The following EYS variants were observed in gnomAD, a reference collection of about 807,000 sequenced individuals.
EYS encodes the protein protein eyes shut homolog.
EYS carries 250 observed loss-of-function variants against 282.1 expected under a neutral mutation model. The ratio of observed to expected loss-of-function variants is 0.89; its 90% CI spans 0.80 to 0.98. The LOEUF (loss-of-function observed/expected upper bound fraction) is 0.98, where lower values mean the gene tolerates loss of function less well. EYS is among the 50% of genes least tolerant of loss of function. The pLI, the probability that EYS is intolerant of heterozygous loss-of-function variation, is 0.00. For synonymous variants in EYS, 1,355 were observed against 1,282.9 expected (o/e 1.06, Z -1.20); for missense variants, 4,016 against 3,709.0 (o/e 1.08, Z -2.15).
At chr6:65,068,564 A>C (rs1029138122) in intron 12 of EYS, among the ~76,000 whole-genome samples, 32 of 151,862 alleles carry the variant, frequency 2.1e-4, no homozygotes, top group African/African-American at 7.7e-4. Flanking sequence ...ATAGCTTCTC[A>C]CCTGTGTGTC....
chr6:64,729,277 C>T (rs1771876048), intron 22 of EYS, among the ~76,000 whole-genome samples: 1 of 152,278 alleles, frequency 6.6e-6, no homozygotes, highest in East Asian at 1.9e-4. Context: ...TCAAGAAACC[C>T]AAGTGAGATA....
intron 35 of EYS, among the ~76,000 whole-genome samples, chr6:63,878,267 C>A (rs1193958949): frequency 6.6e-6 from 1 of 152,194 alleles, no homozygotes; most frequent in African/African-American, 2.4e-5. Context: ...TCCTGGGTAT[C>A]ACCAGTGGAG....
chr6:64,650,133 G>C (rs6901503), intron 22 of EYS, among the ~76,000 whole-genome samples: 97,145 of 151,734 alleles, frequency 0.64, 31,315 homozygotes, highest in African/African-American at 0.71. Context: ...AAATTTAAAT[G>C]ATAATCTAGA....
At chr6:64,370,619 G>A (rs1226854271) in intron 29 of EYS, among the ~76,000 whole-genome samples, 1 of 152,022 alleles carries the variant, frequency 6.6e-6, no homozygotes, top group Non-Finnish European at 1.5e-5. Context: ...TTATACATCT[G>A]GTAGAATTTG....
At chr6:64,623,123 T>C (rs6904977) in intron 23 of EYS, among the ~76,000 whole-genome samples, 3,681 of 152,254 alleles carry the variant, frequency 0.024, 164 homozygotes, top group African/African-American at 0.084. Context: ...TGTTTTTTAA[T>C]GATTGGTCAA....
At chr6:65,005,874 C>T (rs1220574698) in intron 13 of EYS, among the ~76,000 whole-genome samples, 1 of 152,242 alleles carries the variant, frequency 6.6e-6, no homozygotes, top group Non-Finnish European at 1.5e-5. Flanking sequence ...ACCTTTCCTT[C>T]TGACCCACAC....
At chr6:63,978,901 A>T (rs1582069487) in intron 35 of EYS, among the ~76,000 whole-genome samples, 2 of 151,940 alleles carry the variant, frequency 1.3e-5, no homozygotes, top group South Asian at 2.1e-4. Flanking sequence ...AAATGAGATA[A>T]TAGGGAAAGA....
At chr6:65,608,910 A>T (rs534433058) in intron 2 of EYS, among the ~76,000 whole-genome samples, 1 of 152,120 alleles carries the variant, frequency 6.6e-6, no homozygotes, top group South Asian at 2.1e-4. Context: ...GAAATAACAC[A>T]CATGGAGCTG....
chr6:65,382,463 G>GTGTGTGTGTCTC (rs370197303), intron 8 of EYS, among the ~76,000 whole-genome samples: 4 of 130,682 alleles, frequency 3.1e-5, no homozygotes, highest in Middle Eastern at 3.8e-3. Context: ...TCCTCTGTGT[G>GTGTGTGTGTCTC]TGTGTGTGTG....
intron 22 of EYS, among the ~76,000 whole-genome samples, chr6:64,685,108 T>A (rs1041455244): frequency 6.6e-6 from 1 of 152,000 alleles, no homozygotes; most frequent in Non-Finnish European, 1.5e-5. Flanking sequence ...ACAAAAAGTA[T>A]AAGAAATTTG....
At chr6:64,377,980 T>A (rs1772616555) in intron 29 of EYS, 1 of 152,132 alleles carries the variant, frequency 6.6e-6, no homozygotes, top group Admixed American at 6.6e-5. Flanking sequence ...TGAGCTAATA[T>A]TTGTAATGAA....
intron 33 of EYS, among the ~76,000 whole-genome samples, chr6:64,058,327 A>G (rs1300578032): frequency 6.6e-6 from 1 of 152,164 alleles, no homozygotes; most frequent in African/African-American, 2.4e-5. Flanking sequence ...GAATTATTCT[A>G]AAGAAGTTAA....
At chr6:64,470,215 G>C (rs183977138) in intron 26 of EYS, among the ~76,000 whole-genome samples, 3 of 151,910 alleles carry the variant, frequency 2.0e-5, no homozygotes, top group African/African-American at 7.3e-5. Flanking sequence ...TTATTTCTAC[G>C]CTCTCTTGTC....
intron 5 of EYS, among the ~76,000 whole-genome samples, chr6:65,431,281 A>G (rs907944496): frequency 6.6e-6 from 1 of 152,024 alleles, no homozygotes; most frequent in Non-Finnish European, 1.5e-5. Flanking sequence ...TTTACTCCTT[A>G]ATATCACCAT....
chr6:64,767,759 T>A (rs757295732), intron 22 of EYS, among the ~76,000 whole-genome samples: 4 of 152,170 alleles, frequency 2.6e-5, no homozygotes, highest in Non-Finnish European at 5.9e-5. Context: ...GTACAGGTAA[T>A]CTCTTTGATA....
intron 2 of EYS, among the ~76,000 whole-genome samples, chr6:65,615,307 GC>G (rs546938282): frequency 2.6e-3 from 393 of 151,572 alleles, no homozygotes; most frequent in African/African-American, 9.3e-3. Flanking sequence ...ATGAGCATTG[GC>G]CAATTTAAAT....
At chr6:65,612,154 T>C (rs1439740254) in intron 2 of EYS, among the ~76,000 whole-genome samples, 2 of 151,310 alleles carry the variant, frequency 1.3e-5, no homozygotes, top group African/African-American at 2.4e-5. Flanking sequence ...ACAATTAATA[T>C]AACGGTGCTT....
At chr6:65,263,471 A>G (rs998954649) in intron 12 of EYS, among the ~76,000 whole-genome samples, 1 of 152,174 alleles carries the variant, frequency 6.6e-6, no homozygotes, top group African/African-American at 2.4e-5. Context: ...CCCTTTACAT[A>G]AAGAAATAGC....
chr6:63,799,897 G>C (rs1770742651), intron 37 of EYS, among the ~76,000 whole-genome samples: 1 of 152,212 alleles, frequency 6.6e-6, no homozygotes, highest in Admixed American at 6.5e-5. Flanking sequence ...AGGAATTCCA[G>C]GCAAGAGGAA....
Sources: gnomAD v4.1 joint callset for allele counts (sites outside exome capture counted in the v4.1 genomes callset) on GRCh38, gnomAD v4.1.1 for gene constraint, MANE v1.5 for transcripts, NCBI Gene and HGNC (gene_info 2026-07-23, HGNC 2026-07-21) for gene names.